The following PIN1 variants were observed in gnomAD, a reference collection of about 807,000 sequenced individuals.
The protein encoded by PIN1 is peptidyl-prolyl cis-trans isomerase NIMA-interacting 1.
Under a neutral mutation model 19.9 loss-of-function variants are expected in PIN1, and 8 were observed. The ratio of observed to expected loss-of-function variants is 0.40; its 90% confidence interval spans 0.24 to 0.72. The LOEUF (loss-of-function observed/expected upper bound fraction) is 0.72. PIN1 is among the 30% of genes least tolerant of loss of function. PIN1 has a pLI of 0.37. For synonymous variants in PIN1, 86 were observed against 90.8 expected, an observed-to-expected ratio of 0.95 and a Z score of 0.30; for missense variants, 185 against 226.5, an observed-to-expected ratio of 0.82 and a Z score of 1.18.
intron 1 of PIN1, chr19:9,836,634 T>A (rs2046108754): frequency 2.9e-6 from 1 of 342,660 alleles, no homozygotes; most frequent in South Asian, 2.3e-5. Context: ...AGTAGGGTCT[T>A]TACTTCCAGT....
At chr19:9,836,728 C>A in intron 1 of PIN1, 1 of 796,364 alleles carries the variant, frequency 1.3e-6, no homozygotes, top group Non-Finnish European at 1.8e-6. Flanking sequence ...CCTAGCTCTG[C>A]AACACCATGC....
At chr19:9,835,687 C>T (rs1599446341) in intron 1 of PIN1, 2 of 444,938 alleles carry the variant, frequency 4.5e-6, no homozygotes, top group East Asian at 3.8e-5. Context: ...ACCTCTCGGC[C>T]TAATGCACCT....
Position 9,835,404 on chromosome 19 carries a change from T to C in PIN1, c.58+2T>C. 2.0e-6 allele frequency: 3 copies of C among 1,479,906 alleles called. No homozygotes were observed. The highest frequency in any genetic ancestry group is 2.7e-6 in the Non-Finnish European group (3 of 1,111,880). The allele number at this position is 1,479,906 out of a possible 1,614,324, so 91.7% of individuals were successfully genotyped here. On this transcript the variant is annotated splice_donor_variant, in intron 1 of 3. Transcript: ENST00000247970. LOFTEE classifies it high-confidence loss of function. The stretch of plus-strand genomic sequence containing the variant: ...AGAAGCGCATGAGCCGCAGCTCAGG[T>C]GCCGCGGGGGTCGGGGCTGGGGCGG...
chr19:9,848,910 G>C (rs1476775848), intron 3 of PIN1, among the ~76,000 whole-genome samples, 180 bp from the exon 4 acceptor site: 1 of 152,142 alleles, frequency 6.6e-6, no homozygotes, highest in Non-Finnish European at 1.5e-5. Context: ...TAATGGCCCT[G>C]CCACCCCCAG....
At position 9,846,629 on chromosome 19, in the gene PIN1, G is replaced by A. The variant is rs192759057; in HGVS notation, c.272-1401G>A. Among the ~76,000 whole-genome samples, 5 of 152,310 alleles carry A rather than the reference G, an allele frequency of 3.3e-5. No homozygotes were observed. The East Asian group carries it at 9.7e-4, about 29-fold the overall frequency. On this transcript the variant is annotated intron_variant, in intron 2 of 3. Coordinates refer to ENST00000247970, the MANE Select transcript of PIN1 (RefSeq NM_006221.4). The surrounding 1 kb of genome is among the most constrained non-coding windows in gnomAD (Gnocchi z 5.9). ...AGGGGCCCTGGGGACACTTGGATCA[G>A]TCCAGTGTGTTCAGCAGGTGCCACG...
At chr19:9,845,189 A>G (rs1009718569) in intron 2 of PIN1, among the ~76,000 whole-genome samples, 2 of 152,308 alleles carry the variant, frequency 1.3e-5, no homozygotes, top group South Asian at 2.1e-4. Context: ...CAAGACACAC[A>G]GGACCAAACC....
rs2046236846 is a variant in PIN1, at chr19:9,847,918, T to C, written c.272-112T>C. 11 of 743,758 alleles carry C rather than the reference T, an allele frequency of 1.5e-5. No individual in the cohort carries two copies. The South Asian group carries it at 1.6e-4, about 11-fold the overall frequency. The allele number at this position is 743,758 out of a possible 1,614,324, so 46.1% of individuals were successfully genotyped here. A position where few individuals can be genotyped will look rare whatever the true frequency, so the allele number is the denominator to read the frequency against. ...CATGTGCGCCTGTGAGGGGAGGCTT[T>C]CCAACTGAAGTGCTGCCTCCCCCGC... On this transcript the variant is annotated intron_variant, in intron 2 of 3. Transcript: ENST00000247970.
intron 2 of PIN1, among the ~76,000 whole-genome samples, chr19:9,839,820 G>A (rs1431437021): frequency 2.0e-5 from 3 of 152,014 alleles, no homozygotes; most frequent in Non-Finnish European, 2.9e-5. Flanking sequence ...GGGCAACATA[G>A]CAAAACCCCG....
rs761244297 is a variant in PIN1 at position 9,849,435 on chromosome 19, T to C, written c.*236T>C. The C allele has an allele frequency of 4.1e-6, 3 of 737,342 alleles. No individual in the cohort carries two copies. The Admixed American group carries it at 5.2e-5, about 13-fold the overall frequency. 45.7% of individuals were successfully genotyped at this position (737,342 alleles called of 1,614,324 possible). ...CAGATTCTCCCTTAAGGAATTGACT[T>C]CAGCAGGGGTGGGAGGCTCCCAGAC... On this transcript the variant is annotated 3_prime_UTR_variant, in exon 4 of 4. Transcript: ENST00000247970.
At chr19:9,835,705 CG>C in intron 1 of PIN1, 1 of 417,080 alleles carries the variant, frequency 2.4e-6, no homozygotes. Flanking sequence ...CCTGACACCC[CG>C]GGGGACGTCT....
intron 1 of PIN1, chr19:9,836,857 A>G (rs1378721209): frequency 3.9e-6 from 5 of 1,286,852 alleles, no homozygotes; most frequent in Non-Finnish European, 5.1e-6. Context: ...CACTGCTGCC[A>G]TTCCCAGAGA....
At position 9,846,956 on chromosome 19, in the gene PIN1, T is replaced by C. The variant is rs1193917852; in HGVS notation, c.272-1074T>C. 1.3e-5 allele frequency among the ~76,000 whole-genome samples: 2 copies of C among 152,100 alleles called. No homozygotes were observed. The highest frequency in any genetic ancestry group is 4.8e-5 in the African/African-American group (2 of 41,426). ...GTGCAGTTCACCCAGAGGGCTGCCC[T>C]GGCTTGCTGGGGCTGTCGCACCACT... On this transcript the variant is annotated intron_variant, in intron 2 of 3. Coordinates refer to ENST00000247970, the MANE Select transcript of PIN1 (RefSeq NM_006221.4). This position sits in a 1 kb window ranked among gnomAD's most constrained non-coding sequence, Gnocchi z 5.9.
intron 2 of PIN1, among the ~76,000 whole-genome samples, chr19:9,842,858 C>A (rs1394452178): frequency 6.6e-6 from 1 of 152,238 alleles, no homozygotes; most frequent in African/African-American, 2.4e-5. Flanking sequence ...ATTTGGGCAG[C>A]TCACTCCCCA....
Position 9,835,671 on chromosome 19 carries a change from G to T in PIN1, c.58+269G>T, listed in dbSNP as rs377711289. 47 of 460,686 alleles carry T rather than the reference G, an allele frequency of 1.0e-4. 1 individual carries two copies. The South Asian group carries it at 1.9e-3, about 19-fold the overall frequency. 28.5% of individuals were successfully genotyped at this position (460,686 alleles called of 1,614,324 possible). A position where few individuals can be genotyped will look rare whatever the true frequency, so the allele number is the denominator to read the frequency against. The stretch of plus-strand genomic sequence containing the variant: ...CGATGGCCCTGGCCCTGCCGGCCCG[G>T]CTGATACCTCTCGGCCTAATGCACC... On this transcript the variant is annotated intron_variant, in intron 1 of 3. Coordinates refer to ENST00000247970, the MANE Select transcript of PIN1 (RefSeq NM_006221.4).
At chr19:9,835,580 G>A (rs2046094159) in intron 1 of PIN1, 178 bp downstream of exon 1, 1 of 544,722 alleles carries the variant, frequency 1.8e-6, no homozygotes, top group Non-Finnish European at 3.0e-6. Flanking sequence ...AGCCTCAGGA[G>A]CCGCCGGGAA....
intron 2 of PIN1, among the ~76,000 whole-genome samples, chr19:9,845,914 C>G (rs1301043702): frequency 6.6e-6 from 1 of 152,148 alleles, no homozygotes. Flanking sequence ...TGCCTGCAGG[C>G]AGTCCTGCTT....
rs1269045739 is a variant in PIN1 at position 9,846,968 on chromosome 19, GC to G, written c.272-1061del. ...CAGAGGGCTGCCCTGGCTTGCTGGGGCTGTCGCACCACTGGCCTAGGGAGGA... is the reference window on the plus strand; with the variant it reads ...CAGAGGGCTGCCCTGGCTTGCTGGGGTGTCGCACCACTGGCCTAGGGAGGA... On this transcript the variant is annotated intron_variant, in intron 2 of 3. Transcript: ENST00000247970. The surrounding 1 kb of genome is among the most constrained non-coding windows in gnomAD (Gnocchi z 5.9). Among the ~76,000 whole-genome samples the G allele has an allele frequency of 4.6e-5, 7 of 152,162 alleles. No homozygotes were observed. The highest frequency in any genetic ancestry group is 1.7e-4 in the African/African-American group (7 of 41,436).
rs2046217722 is a variant in PIN1, at chr19:9,846,109, G to A, written c.272-1921G>A. Among the ~76,000 whole-genome samples, 1 of 152,184 alleles carries A rather than the reference G, an allele frequency of 6.6e-6. No homozygotes were observed. The highest frequency in any genetic ancestry group is 1.5e-5 in the Non-Finnish European group (1 of 68,018). On this transcript the variant is annotated intron_variant, in intron 2 of 3. Coordinates refer to ENST00000247970, the MANE Select transcript of PIN1 (RefSeq NM_006221.4). This position sits in a 1 kb window ranked among gnomAD's most constrained non-coding sequence, Gnocchi z 5.9. ...ACATCTGGTTTAAGTCGGAGTCACT[G>A]GTGGATGTGTCTGGCACAGAGGAGG...
At position 9,849,340 on chromosome 19, in the gene PIN1, G is replaced by A. The variant is rs1330724793; in HGVS notation, c.*141G>A. The A allele has an allele frequency of 1.4e-6, 1 of 730,812 alleles. No individual in the cohort carries two copies. Among genetic ancestry groups the A allele is most frequent in the Admixed American group, 2.0e-5 (1 of 50,100 alleles). 45.3% of individuals were successfully genotyped at this position (730,812 alleles called of 1,614,324 possible). On this transcript the variant is annotated 3_prime_UTR_variant, in exon 4 of 4. Transcript: ENST00000247970. Reference sequence around the variant, plus strand: ...TTTATTGTTCCCACAATGGCTGGGAGGGGGCCCTTCCAGATTGGGGGCCCT... The same window carrying A: ...TTTATTGTTCCCACAATGGCTGGGAAGGGGCCCTTCCAGATTGGGGGCCCT...
Sources: gnomAD v4.1 joint callset for allele counts (sites outside exome capture counted in the v4.1 genomes callset) on GRCh38, gnomAD v4.1.1 for gene constraint, Gnocchi (gnomAD v3.1) non-coding constraint, MANE v1.5 for transcripts, NCBI Gene and HGNC (gene_info 2026-07-23, HGNC 2026-07-21) for gene names.